The following UBE3D variants were observed in gnomAD, a reference collection of about 807,000 sequenced individuals.
UBE3D encodes the protein ubiquitin protein ligase E3D, also known as E3 ubiquitin-protein ligase E3D.
A neutral mutation model predicts 49.6 loss-of-function variants in UBE3D; 48 were observed. The observed-to-expected ratio is 0.97, with a 90% CI of 0.77 to 1.23. UBE3D has a LOEUF of 1.23. UBE3D is among the 50% of genes most tolerant of loss of function. The probability of loss-of-function intolerance (pLI) is 0.00; values close to 1 mark genes in which losing one functional copy is unlikely to be tolerated. For synonymous variants in UBE3D, 189 were observed against 174.2 expected, an observed-to-expected ratio of 1.08 and a Z score of -0.67; for missense variants, 452 against 468.4, an observed-to-expected ratio of 0.96 and a Z score of 0.32.
chr6:82,998,248 C>T (rs1467357599), intron 8 of UBE3D, among the ~76,000 whole-genome samples: 1 of 152,220 alleles, frequency 6.6e-6, no homozygotes, highest in Non-Finnish European at 1.5e-5. Context: ...AAGGCTCTTA[C>T]AGCCATCTGG....
At chr6:82,954,821 C>G (rs181321672) in intron 9 of UBE3D, among the ~76,000 whole-genome samples, 278 of 152,284 alleles carry the variant, frequency 1.8e-3, no homozygotes, top group Non-Finnish European at 2.5e-3. Flanking sequence ...TTTCACTGAT[C>G]CTTCATCTTG....
intron 5 of UBE3D, among the ~76,000 whole-genome samples, chr6:83,029,982 A>C (rs966973392): frequency 1.3e-5 from 2 of 152,226 alleles, no homozygotes; most frequent in Admixed American, 1.3e-4. Context: ...ATGTGGATTG[A>C]GGAATGCAAT....
At chr6:82,914,963 G>A (rs181413370) in intron 9 of UBE3D, among the ~76,000 whole-genome samples, 12 of 152,270 alleles carry the variant, frequency 7.9e-5, no homozygotes, top group South Asian at 6.2e-4. Flanking sequence ...CATCCCAAAG[G>A]TCTGGGTGTT....
At position 82,971,463 on chromosome 6, in the gene UBE3D, G is replaced by T. The variant is rs374917095; in HGVS notation, c.1011-14013C>A. 2.6e-5 allele frequency among the ~76,000 whole-genome samples: 4 copies of T among 151,692 alleles called. No homozygotes were observed. The East Asian group carries it at 7.7e-4, about 29-fold the overall frequency. ...ATTACTAGATTCCCTGTCCCATAGG[G>T]GCCAAACTCAGCTGACACTTTCATT... is the stretch of plus-strand genomic sequence containing the variant. On this transcript the variant is annotated intron_variant, in intron 8 of 9. Coordinates refer to ENST00000369747, the MANE Select transcript of UBE3D (RefSeq NM_198920.3).
chr6:82,888,122 C>T (rs1582251606), downstream of UBE3D, among the ~76,000 whole-genome samples: 1 of 151,960 alleles, frequency 6.6e-6, no homozygotes, highest in African/African-American at 2.4e-5. Context: ...AATTTCTTTC[C>T]CAGTTTCAAT....
chr6:82,950,100 T>C (rs1412132763), intron 9 of UBE3D, among the ~76,000 whole-genome samples: 2 of 152,144 alleles, frequency 1.3e-5, no homozygotes, highest in Non-Finnish European at 2.9e-5. Flanking sequence ...AACGATACAT[T>C]TGCACACTAC....
At chr6:83,001,326 TC>T in intron 8 of UBE3D, among the ~76,000 whole-genome samples, 1 of 152,354 alleles carries the variant, frequency 6.6e-6, no homozygotes, top group South Asian at 2.1e-4. Context: ...AATATTAAAT[TC>T]CTAATACCTA....
Position 83,054,152 on chromosome 6 carries a change from C to A in UBE3D, c.361G>T (p.Asp121Tyr). 6.2e-7 allele frequency: 1 copy of A among 1,613,042 alleles called. No homozygotes were observed. The highest frequency in any genetic ancestry group is 2.2e-5 in the East Asian group (1 of 44,838). ...CQSCGEVIIK[D>Y]RKLLRVLPLP... Reference sequence around the variant, plus strand: ...AGTGTTAAATATATTCCTTACCTGTCTTTTATTATGACTTCACCGCAGGAT... The same window carrying A: ...AGTGTTAAATATATTCCTTACCTGTATTTTATTATGACTTCACCGCAGGAT... Residue 121 changes from aspartate to tyrosine, a missense_variant, in exon 3 of 10, where the codon GAC becomes TAC. Asp to Tyr is a radical substitution (Grantham distance 160, BLOSUM62 -3). Transcript: ENST00000369747.
At chr6:83,012,708 T>C (rs1467421486) in intron 8 of UBE3D, among the ~76,000 whole-genome samples, 3 of 152,256 alleles carry the variant, frequency 2.0e-5, no homozygotes, top group East Asian at 1.9e-4. Flanking sequence ...TTTCCAATCA[T>C]GCTTCTTCCA....
chr6:83,006,247 A>C lies in UBE3D; in HGVS notation c.1010+12726T>G, dbSNP rs143996572. ...TTCAAAAAACAAACAAACAAAAAAA[A>C]AAAAGTAGCCAATGTTATGGACTGA... On this transcript the variant is annotated intron_variant, in intron 8 of 9. Coordinates refer to ENST00000369747, the MANE Select transcript of UBE3D (RefSeq NM_198920.3). 1.9e-3 allele frequency among the ~76,000 whole-genome samples: 287 copies of C among 152,216 alleles called. 1 individual carries two copies. Among genetic ancestry groups the C allele is most frequent in the African/African-American group, 6.1e-3 (252 of 41,524 alleles).
intron 9 of UBE3D, among the ~76,000 whole-genome samples, chr6:82,938,059 C>A (rs1173061127): frequency 2.0e-5 from 3 of 151,628 alleles, no homozygotes; most frequent in African/African-American, 7.3e-5. Context: ...TTAAACACTT[C>A]TAGGATGTTC....
Position 82,922,383 on chromosome 6 carries a change from C to T in UBE3D, c.1150-29341G>A, listed in dbSNP as rs372498904. On this transcript the variant is annotated intron_variant, in intron 9 of 9. Transcript: ENST00000369747. ...AGAACAGAAAAAGGAGAAACTCTCT[C>T]CAAGTCATTTTATGGGGCTATTGAA... Among the ~76,000 whole-genome samples, 294 of 152,236 alleles carry T rather than the reference C, an allele frequency of 1.9e-3. 2 individuals are homozygous for T. The highest frequency in any genetic ancestry group is 6.7e-3 in the African/African-American group (277 of 41,538).
Position 82,966,567 on chromosome 6 carries a change from G to C in UBE3D, c.1011-9117C>G, listed in dbSNP as rs954771437. 2.6e-4 allele frequency among the ~76,000 whole-genome samples: 30 copies of C among 117,426 alleles called. 4 individuals carry two copies. The highest frequency in any genetic ancestry group is 3.5e-4 in the Non-Finnish European group (20 of 56,954). 77.0% of individuals were successfully genotyped at this position (117,426 alleles called of 152,430 possible). On this transcript the variant is annotated intron_variant, in intron 8 of 9. Coordinates refer to ENST00000369747, the MANE Select transcript of UBE3D (RefSeq NM_198920.3). ...CGGGAGGCTGAGGCAGGAGAATGGC[G>C]TGAACCCGGGAGGCGGAGCTTGCAG...
At chr6:82,906,269 T>C (rs369337602) in intron 9 of UBE3D, among the ~76,000 whole-genome samples, 1 of 151,442 alleles carries the variant, frequency 6.6e-6, no homozygotes, top group African/African-American at 2.4e-5. Flanking sequence ...ATTTGCAATT[T>C]GTGTTTCAAA....
intron 9 of UBE3D, 62 bp downstream of exon 9, chr6:82,957,250 C>A: frequency 6.4e-7 from 1 of 1,566,146 alleles, no homozygotes; most frequent in Non-Finnish European, 8.7e-7. Flanking sequence ...AGAGAGGATC[C>A]TTAAAAAATA....
rs1784480469 is a variant in UBE3D, at chr6:83,065,826, C to T, written c.-108G>A. Reference sequence around the variant, plus strand: ...GGACCAACCAGCGGCAGCCCCGCTGCGGCGCAGGCGCCTGTGCCAGATCGC... The same window carrying T: ...GGACCAACCAGCGGCAGCCCCGCTGTGGCGCAGGCGCCTGTGCCAGATCGC... On this transcript the variant is annotated 5_prime_UTR_variant, in exon 1 of 10. Transcript: ENST00000369747. 3 of 1,160,116 alleles carry T rather than the reference C, an allele frequency of 2.6e-6. No homozygotes were observed. Among genetic ancestry groups the T allele is most frequent in the South Asian group, 1.4e-5 (1 of 70,498 alleles). 71.9% of individuals were successfully genotyped at this position (1,160,116 alleles called of 1,614,324 possible). A position where few individuals can be genotyped will look rare whatever the true frequency, so the allele number is the denominator to read the frequency against.
chr6:82,885,288 C>T, the UBE3D span, among the ~76,000 whole-genome samples: 1 of 152,176 alleles, frequency 6.6e-6, no homozygotes, highest in East Asian at 1.9e-4. Flanking sequence ...ACCTTGTGCT[C>T]TGCAACCAGA....
chr6:83,022,657 G>A, intron 6 of UBE3D, 96 bp from the exon 7 acceptor site: 1 of 756,770 alleles, frequency 1.3e-6, no homozygotes, highest in Non-Finnish European at 2.0e-6. Context: ...CTAAAAGGCA[G>A]ACATATCCAC....
intron 9 of UBE3D, among the ~76,000 whole-genome samples, chr6:82,919,750 C>T (rs564508563): frequency 3.1e-4 from 47 of 152,234 alleles, no homozygotes; most frequent in Middle Eastern, 6.8e-3. Flanking sequence ...AAAATCACCA[C>T]GGAGACTGCC....
Sources: gnomAD v4.1 joint callset for allele counts (sites outside exome capture counted in the v4.1 genomes callset) on GRCh38, gnomAD v4.1.1 for gene constraint, MANE v1.5 for transcripts, NCBI Gene and HGNC (gene_info 2026-07-23, HGNC 2026-07-21) for gene names.